Variants in UBE2J2 observed in about 807,000 individuals in gnomAD.
UBE2J2 encodes ubiquitin-conjugating enzyme E2 J2.
Under a neutral mutation model 28.6 loss-of-function variants are expected in UBE2J2, and 5 were observed. The observed-to-expected ratio is 0.17, with a 90% CI of 0.09 to 0.37. UBE2J2 has a LOEUF of 0.37. UBE2J2 is among the 10% of genes least tolerant of loss of function. UBE2J2 has a pLI of 1.00. For synonymous variants in UBE2J2, 138 were observed against 139.7 expected (o/e 0.99, Z 0.09); for missense variants, 226 against 338.9 (o/e 0.67, Z 2.62).
intron 1 of UBE2J2, among the ~76,000 whole-genome samples, chr1:1,270,163 G>A (rs540566495): frequency 1.8e-4 from 28 of 152,200 alleles, no homozygotes; most frequent in Admixed American, 1.6e-3. Flanking sequence ...CTGGCCACAC[G>A]GAACTGTGAG....
chr1:1,271,112 C>T (rs908777200), intron 1 of UBE2J2, among the ~76,000 whole-genome samples: 2 of 152,246 alleles, frequency 1.3e-5, no homozygotes, highest in Non-Finnish European at 2.9e-5. Context: ...CCCTTCTGGG[C>T]CCCAGCGGGT....
In UBE2J2 at chr1:1,263,113, G is replaced by A. The variant is rs1639656901; in HGVS notation, c.172+233C>T. 43 of 493,482 alleles carry A rather than the reference G, an allele frequency of 8.7e-5. No individual in the cohort carries two copies. The South Asian group carries it at 9.6e-4, about 11-fold the overall frequency. 30.6% of individuals were successfully genotyped at this position (493,482 alleles called of 1,614,324 possible). ...TCAGCTATGGCCCTATGGTGTCAGA[G>A]GCTGGTGAACACAGACGCTACAGGC... On this transcript the variant is annotated intron_variant, in intron 3 of 6. Transcript: ENST00000349431.
chr1:1,263,057 C>A (rs1639653270), intron 3 of UBE2J2: 1 of 377,396 alleles, frequency 2.6e-6, no homozygotes, highest in African/African-American at 2.0e-5. Context: ...TAGAACAGGC[C>A]AGCTTCAGTG....
rs756673043 is a variant in UBE2J2 at position 1,267,892 on chromosome 1, G to C, written c.101C>G (p.Ala34Gly). ...IKKDPVPYICAEPLPSNILEW... is the reference protein window; with the variant it reads ...IKKDPVPYICGEPLPSNILEW... ...GAGAATATTCGAAGGGAGGGGCTCG[G>C]CACAGATGTAAGGCACCGGGTCTTT... is the stretch of plus-strand genomic sequence containing the variant. Residue 34 changes from alanine (A) to glycine (G), a missense_variant, in exon 2 of 7, where the codon GCC becomes GGC. Coordinates refer to ENST00000349431, the MANE Select transcript of UBE2J2 (RefSeq NM_058167.3). The C allele has an allele frequency of 1.9e-6, 3 of 1,613,976 alleles. No homozygotes were observed. The highest frequency in any genetic ancestry group is 1.7e-5 in the Admixed American group (1 of 60,010).
intron 3 of UBE2J2, among the ~76,000 whole-genome samples, chr1:1,258,712 C>A (rs1443553409): frequency 6.6e-6 from 1 of 152,262 alleles, no homozygotes; most frequent in Non-Finnish European, 1.5e-5. Context: ...CTTGGCAACT[C>A]CATCCTCCTG....
intron 1 of UBE2J2, among the ~76,000 whole-genome samples, chr1:1,271,826 T>C: frequency 6.6e-6 from 1 of 151,498 alleles, no homozygotes; most frequent in South Asian, 2.1e-4. Flanking sequence ...AATACAAAAT[T>C]AATCAGGCAT....
chr1:1,262,431 C>G (rs748946079), intron 3 of UBE2J2: 14 of 411,006 alleles, frequency 3.4e-5, no homozygotes, highest in South Asian at 2.4e-4. Flanking sequence ...TGTGTTAACT[C>G]GGCCAAAATG....
chr1:1,266,752 G>A (rs896293474), intron 2 of UBE2J2, among the ~76,000 whole-genome samples: 12 of 152,006 alleles, frequency 7.9e-5, no homozygotes, highest in East Asian at 5.8e-4. Flanking sequence ...GCATGAACCC[G>A]GCAGGCAGAG....
chr1:1,273,712 GT>G lies in UBE2J2; in HGVS notation c.-48del, dbSNP rs1190922237. On this transcript the variant is annotated 5_prime_UTR_variant, in exon 1 of 7. Coordinates refer to ENST00000349431, the MANE Select transcript of UBE2J2 (RefSeq NM_058167.3). Reference sequence around the variant, plus strand: ...GGCCGCCGCCGCGCTCAGGCTCGCCGTAGTCGAGGCCGGAGCAGGGTGCGGA... The same window carrying G: ...GGCCGCCGCCGCGCTCAGGCTCGCCGAGTCGAGGCCGGAGCAGGGTGCGGA... 3 of 152,490 alleles carry G rather than the reference GT, an allele frequency of 2.0e-5. No homozygotes were observed. Among genetic ancestry groups the G allele is most frequent in the Non-Finnish European group, 2.9e-5 (2 of 67,908 alleles). 9.4% of individuals were successfully genotyped at this position (152,490 alleles called of 1,614,324 possible).
intron 2 of UBE2J2, among the ~76,000 whole-genome samples, chr1:1,266,699 C>T (rs780675944): frequency 2.6e-5 from 4 of 151,664 alleles, no homozygotes; most frequent in South Asian, 2.1e-4. Flanking sequence ...TGGTGGCAGG[C>T]GCCTGTAGTC....
intron 1 of UBE2J2, among the ~76,000 whole-genome samples, chr1:1,270,651 G>T (rs1640102346): frequency 6.6e-6 from 1 of 152,060 alleles, no homozygotes; most frequent in Admixed American, 6.6e-5. Flanking sequence ...GGTCCAGAAG[G>T]TCTGAGCTTC....
chr1:1,255,442 G>A lies in UBE2J2; in HGVS notation c.541C>T (p.Pro181Ser), dbSNP rs756702596. Residue 181 changes from proline to serine, a missense_variant, in exon 7 of 7, where the codon CCC (proline) becomes TCC (serine). Coordinates refer to ENST00000349431, the MANE Select transcript of UBE2J2 (RefSeq NM_058167.3). Reference sequence around the variant, plus strand: ...ACGTCTGGCAAGGGGAGAGTCTGGGGTCTGCTACTGAGTTCGTCTTGTGCT... The same window carrying A: ...ACGTCTGGCAAGGGGAGAGTCTGGGATCTGCTACTGAGTTCGTCTTGTGCT... The part of the protein sequence containing the change: ...QKAQDELSSR[P>S]QTLPLPDVVP... 1.8e-5 allele frequency: 29 copies of A among 1,613,646 alleles called. 1 individual carries two copies. In the South Asian group the frequency reaches 2.9e-4, roughly 16 times the overall value.
chr1:1,257,381 T>TC (rs1553154777), intron 3 of UBE2J2, 71 bp from the exon 4 acceptor site: 50 of 194,514 alleles, frequency 2.6e-4, no homozygotes, highest in African/African-American at 1.7e-3. Flanking sequence ...CTCGTCCCCA[T>TC]CCCCCCACGC....
intron 3 of UBE2J2, among the ~76,000 whole-genome samples, chr1:1,259,017 T>C (rs1283151501): frequency 6.6e-6 from 1 of 151,922 alleles, no homozygotes; most frequent in East Asian, 1.9e-4. Flanking sequence ...AGGACGCGTG[T>C]GTGCGTGTCT....
rs57125925 is a variant in UBE2J2, at chr1:1,265,603, TTGTGTGTGTGTGTGTGTGTG to T, written c.132-2237_132-2218del. Among the ~76,000 whole-genome samples the T allele has an allele frequency of 6.9e-4, 83 of 121,024 alleles. 3 individuals are homozygous for T. In the South Asian group the frequency reaches 9.4e-3, roughly 14 times the overall value. The allele number at this position is 121,024 out of a possible 152,430, so 79.4% of individuals were successfully genotyped here. A position where few individuals can be genotyped will look rare whatever the true frequency, so the allele number is the denominator to read the frequency against. Reference sequence around the variant, plus strand: ...TGTGTGTGTGTGTGTTTTCTCTCCATTGTGTGTGTGTGTGTGTGTGTGTGTGTGTGTGTGTGTGTGTGTGT... The same window carrying T: ...TGTGTGTGTGTGTGTTTTCTCTCCATTGTGTGTGTGTGTGTGTGTGTGTGT... On this transcript the variant is annotated intron_variant, in intron 2 of 6. Coordinates refer to ENST00000349431, the MANE Select transcript of UBE2J2 (RefSeq NM_058167.3).
rs576729738 is a variant in UBE2J2, at chr1:1,255,560, G to A, written c.496-73C>T. 4.4e-5 allele frequency: 66 copies of A among 1,507,662 alleles called. No homozygotes were observed. In the African/African-American group the frequency reaches 8.2e-4, roughly 19 times the overall value. The allele number at this position is 1,507,662 out of a possible 1,614,324, so 93.4% of individuals were successfully genotyped here. ...TTCAGGACCAGCACTCCCGTTCTCAGGAGTCCACGGTCCACCACCAAGAAC... is the reference window on the plus strand; with the variant it reads ...TTCAGGACCAGCACTCCCGTTCTCAAGAGTCCACGGTCCACCACCAAGAAC... On this transcript the variant is annotated intron_variant, in intron 6 of 6. Coordinates refer to ENST00000349431, the MANE Select transcript of UBE2J2 (RefSeq NM_058167.3).
chr1:1,257,801 C>T (rs1213245234), intron 3 of UBE2J2, among the ~76,000 whole-genome samples: 3 of 152,014 alleles, frequency 2.0e-5, no homozygotes. Context: ...CCCAACTGCA[C>T]CCAAAGGCCA....
At chr1:1,272,374 G>A (rs1640197591) in intron 1 of UBE2J2, among the ~76,000 whole-genome samples, 1 of 152,342 alleles carries the variant, frequency 6.6e-6, no homozygotes. Flanking sequence ...GCTGTGCCCA[G>A]GTGCTGAGGC....
rs540688116 is a variant in UBE2J2, at chr1:1,269,203, G to C, written c.1-1211C>G. On this transcript the variant is annotated intron_variant, in intron 1 of 6. Transcript: ENST00000349431. ...TCATGCAAGAGAGGAGGCTGGATCAGGGACCCCAAGGCCCCTCAGCCACAC... is the reference window on the plus strand; with the variant it reads ...TCATGCAAGAGAGGAGGCTGGATCACGGACCCCAAGGCCCCTCAGCCACAC... Among the ~76,000 whole-genome samples, 608 of 143,624 alleles carry C rather than the reference G, an allele frequency of 4.2e-3. 10 individuals carry two copies. Among genetic ancestry groups the C allele is most frequent in the African/African-American group, 0.015 (541 of 35,588 alleles). 94.2% of individuals were successfully genotyped at this position (143,624 alleles called of 152,430 possible).
Sources: gnomAD v4.1 joint callset for allele counts (sites outside exome capture counted in the v4.1 genomes callset) on GRCh38, gnomAD v4.1.1 for gene constraint, MANE v1.5 for transcripts, NCBI Gene and HGNC (gene_info 2026-07-23, HGNC 2026-07-21) for gene names.